The following TNIK variants were observed in gnomAD, a reference collection of about 807,000 sequenced individuals.
The protein encoded by TNIK is TRAF2 and NCK-interacting protein kinase.
In TNIK, 49 loss-of-function variants were observed where a neutral mutation model predicts 191.3. The ratio of observed to expected loss-of-function variants is 0.26; its 90% CI spans 0.20 to 0.32. The LOEUF is 0.32. Among genes scored for constraint, TNIK ranks in the 10% least tolerant of loss-of-function variants. The pLI, the probability that TNIK is intolerant of heterozygous loss-of-function variation, is 1.00. For synonymous variants in TNIK, 594 were observed against 600.9 expected (o/e 0.99, Z 0.17); for missense variants, 1,155 against 1,702.3 (o/e 0.68, Z 5.66).
chr3:171,173,910 C>A (rs1328359015), intron 9 of TNIK, among the ~76,000 whole-genome samples: 2 of 152,046 alleles, frequency 1.3e-5, no homozygotes, highest in African/African-American at 4.8e-5. Context: ...GAGTCTGATC[C>A]AGGGAGAAGA....
At chr3:171,440,657 G>A (rs906317003) in intron 1 of TNIK, among the ~76,000 whole-genome samples, 2 of 152,222 alleles carry the variant, frequency 1.3e-5, no homozygotes. Flanking sequence ...TTAATAAATG[G>A]ATACAAGGAT....
chr3:171,379,244 T>C (rs540719770), intron 1 of TNIK, among the ~76,000 whole-genome samples: 1 of 152,332 alleles, frequency 6.6e-6, no homozygotes, highest in South Asian at 2.1e-4. Context: ...TCAAAATTAT[T>C]TCCTTACAGA....
chr3:171,125,027 T>C (rs542306455), intron 17 of TNIK, among the ~76,000 whole-genome samples: 1 of 152,236 alleles, frequency 6.6e-6, no homozygotes, highest in African/African-American at 2.4e-5. Flanking sequence ...ACTCTTGTTA[T>C]AATATCCTTT....
intron 3 of TNIK, among the ~76,000 whole-genome samples, chr3:171,222,562 G>A (rs1742485952): frequency 6.6e-6 from 1 of 152,090 alleles, no homozygotes; most frequent in African/African-American, 2.4e-5. Flanking sequence ...AGAACCAAAT[G>A]TACTTGGAAC....
At chr3:171,417,528 CTTATAG>C (rs951331258) in intron 1 of TNIK, among the ~76,000 whole-genome samples, 10 of 152,068 alleles carry the variant, frequency 6.6e-5, no homozygotes, top group African/African-American at 2.2e-4. Context: ...GGTATTATAA[CTTATAG>C]TTATAAAAAA....
chr3:171,234,074 G>A (rs991672138), intron 2 of TNIK, among the ~76,000 whole-genome samples: 1 of 152,182 alleles, frequency 6.6e-6, no homozygotes, highest in African/African-American at 2.4e-5. Context: ...CTGTCATGAT[G>A]ATGGCAAACA....
intron 2 of TNIK, among the ~76,000 whole-genome samples, chr3:171,247,229 C>T (rs1208143872): frequency 1.3e-5 from 2 of 152,236 alleles, no homozygotes; most frequent in Admixed American, 6.5e-5. Context: ...TACCCGCTAC[C>T]ACTCAGATCC....
chr3:171,156,718 T>C (rs1343046343), intron 12 of TNIK, among the ~76,000 whole-genome samples: 1 of 152,228 alleles, frequency 6.6e-6, no homozygotes, highest in African/African-American at 2.4e-5. Flanking sequence ...GCAGTATGGC[T>C]TCCCACACAG....
chr3:171,411,392 G>C (rs1237765683), intron 1 of TNIK, among the ~76,000 whole-genome samples: 1 of 151,924 alleles, frequency 6.6e-6, no homozygotes, highest in African/African-American at 2.4e-5. Flanking sequence ...TATCTTCCAA[G>C]TTTGGGGAAT....
chr3:171,440,595 T>G (rs1726667964), intron 1 of TNIK, among the ~76,000 whole-genome samples: 1 of 152,226 alleles, frequency 6.6e-6, no homozygotes, highest in South Asian at 2.1e-4. Context: ...AAGGTCTTGC[T>G]AAGTTAAGGA....
At chr3:171,312,524 C>T (rs1197422643) in intron 2 of TNIK, among the ~76,000 whole-genome samples, 2 of 151,904 alleles carry the variant, frequency 1.3e-5, no homozygotes, top group Non-Finnish European at 2.9e-5. Flanking sequence ...TTTGGATGTG[C>T]CCAAATTGCC....
At position 171,066,723 on chromosome 3, in the gene TNIK, T is replaced by C. The variant is rs770423712; in HGVS notation, c.3712A>G (p.Ile1238Val). ...AAGATGACAATAGCATGAGGAGTGA[T>C]ATTGCCCTGAATCTAGAAGACAAAG... ...IYIPSHIQGNITPHAIVILPK... is the reference protein window; with the variant it reads ...IYIPSHIQGNVTPHAIVILPK... The change falls in exon 31 of 33, where the codon ATC (isoleucine) becomes GTC (valine). Residue 1238 changes from isoleucine (I) to valine (V), a missense_variant. Around this residue, in one of 3 missense-constraint regions of TNIK, gnomAD observed 195 missense variants for 415.4 expected, o/e 0.47. Transcript: ENST00000436636. The C allele has an allele frequency of 1.9e-6, 3 of 1,613,686 alleles. No individual in the cohort carries two copies. The highest frequency in any genetic ancestry group is 2.2e-5 in the East Asian group (1 of 44,868).
chr3:171,407,969 A>T (rs1721924007), intron 1 of TNIK, among the ~76,000 whole-genome samples: 1 of 152,190 alleles, frequency 6.6e-6, no homozygotes, highest in African/African-American at 2.4e-5. Context: ...CATCTATCTG[A>T]GGCACACATT....
intron 12 of TNIK, among the ~76,000 whole-genome samples, chr3:171,144,285 G>C (rs749573335): frequency 1.3e-5 from 2 of 152,120 alleles, no homozygotes; most frequent in African/African-American, 4.8e-5. Flanking sequence ...TACTGTTAAA[G>C]TTTTCCAGGC....
Position 171,395,934 on chromosome 3 carries a change from G to A in TNIK, c.58-26249C>T, listed in dbSNP as rs1720176836. 2.6e-5 allele frequency among the ~76,000 whole-genome samples: 4 copies of A among 152,142 alleles called. No individual in the cohort carries two copies. The South Asian group carries it at 8.3e-4, about 32-fold the overall frequency. On this transcript the variant is annotated intron_variant, in intron 1 of 32. Transcript: ENST00000436636. Reference sequence around the variant, plus strand: ...TCACTCCTTGCTTTTTAAAAAACAGGTTTATTAAGATATAATTCATAAACC... The same window carrying A: ...TCACTCCTTGCTTTTTAAAAAACAGATTTATTAAGATATAATTCATAAACC...
At chr3:171,394,164 CCT>C (rs1719936144) in intron 1 of TNIK, among the ~76,000 whole-genome samples, 1 of 152,174 alleles carries the variant, frequency 6.6e-6, no homozygotes, top group South Asian at 2.1e-4. Flanking sequence ...GACCCTTCCC[CCT>C]GTTTGAACCA....
chr3:171,410,283 T>C (rs1011687203), intron 1 of TNIK, among the ~76,000 whole-genome samples: 3 of 152,214 alleles, frequency 2.0e-5, no homozygotes, highest in Non-Finnish European at 4.4e-5. Context: ...AGCTTTTACT[T>C]TGCAGCTGAA....
intron 1 of TNIK, among the ~76,000 whole-genome samples, chr3:171,394,424 C>T (rs1023837205): frequency 3.9e-5 from 6 of 152,226 alleles, no homozygotes; most frequent in Non-Finnish European, 8.8e-5. Flanking sequence ...GGTCCCACAG[C>T]CTCCTATGCT....
At chr3:171,122,446 A>G (rs1727891106) in intron 18 of TNIK, among the ~76,000 whole-genome samples, 1 of 152,166 alleles carries the variant, frequency 6.6e-6, no homozygotes, top group South Asian at 2.1e-4. Context: ...TGTGAATCAG[A>G]CAAGTCACTG....
Sources: gnomAD v4.1 joint callset for allele counts (sites outside exome capture counted in the v4.1 genomes callset) on GRCh38, gnomAD v4.1.1 for gene constraint, gnomAD v4.1.1 regional missense constraint, MANE v1.5 for transcripts, NCBI Gene and HGNC (gene_info 2026-07-23, HGNC 2026-07-21) for gene names.